Variants in GOSR2 observed in about 807,000 individuals in gnomAD.
The protein encoded by GOSR2 is golgi SNAP receptor complex member 2.
A neutral mutation model predicts 27.9 loss-of-function variants in GOSR2; 20 were observed. That is an observed-to-expected ratio of 0.72 (90% CI 0.50 to 1.04). The LOEUF (loss-of-function observed/expected upper bound fraction) is 1.04. Ranked by LOEUF, GOSR2 falls within the 50% of genes least tolerant of loss-of-function variation. GOSR2 has a pLI of 0.00. For missense variants in GOSR2, 261 were observed against 270.5 expected, an observed-to-expected ratio of 0.97 and a Z score of 0.25; for synonymous variants, 91 against 98.8, an observed-to-expected ratio of 0.92 and a Z score of 0.47.
At chr17:46,934,197 A>C (rs75951674) in intron 4 of GOSR2, among the ~76,000 whole-genome samples, 4 of 152,068 alleles carry the variant, frequency 2.6e-5, no homozygotes, top group Admixed American at 2.6e-4. Context: ...CACTGGACAC[A>C]CTTCCAGCTG....
At chr17:46,970,470 G>A (rs1390748717), downstream of GOSR2, among the ~76,000 whole-genome samples, 1 of 149,388 alleles carries the variant, frequency 6.7e-6, no homozygotes, top group Non-Finnish European at 1.5e-5. Context: ...AACCTGGGAG[G>A]CACAGGTTGC....
chr17:46,943,610 C>CGTAGTA (rs1317010305), downstream of GOSR2, among the ~76,000 whole-genome samples: 1 of 152,218 alleles, frequency 6.6e-6, no homozygotes, highest in Non-Finnish European at 1.5e-5. Context: ...ATCCCGGGCA[C>CGTAGTA]GTAGTAGGCG....
At chr17:46,945,472 C>G (rs529503150), downstream of GOSR2, among the ~76,000 whole-genome samples, 3 of 152,166 alleles carry the variant, frequency 2.0e-5, no homozygotes, top group African/African-American at 4.8e-5. Flanking sequence ...GGCGTAGAAT[C>G]CTGACTTTGC....
chr17:46,971,342 T>A (rs546741338), downstream of GOSR2, among the ~76,000 whole-genome samples: 1 of 152,124 alleles, frequency 6.6e-6, no homozygotes, highest in African/African-American at 2.4e-5. Flanking sequence ...TTCTCAAAAT[T>A]AATTAATTAA....
At chr17:46,936,911 A>C in intron 5 of GOSR2, 6 of 641,492 alleles carry the variant, frequency 9.4e-6, no homozygotes, top group Non-Finnish European at 1.2e-5. Context: ...CATGATGCCT[A>C]ATGTTGATCT....
Position 46,939,440 on chromosome 17 carries a change from G to A in GOSR2, c.*680G>A, listed in dbSNP as rs1270869298. 1 of 991,378 alleles carries A rather than the reference G, an allele frequency of 1.0e-6. No individual in the cohort carries two copies. The highest frequency in any genetic ancestry group is 1.2e-6 in the Non-Finnish European group (1 of 832,794). The allele number at this position is 991,378 out of a possible 1,614,324, so 61.4% of individuals were successfully genotyped here. ...GAGGCCAGTGTTATTTCCCGGGAGTGTTCAGTCTTGACCCTAGTCACTGAT... is the reference window on the plus strand; with the variant it reads ...GAGGCCAGTGTTATTTCCCGGGAGTATTCAGTCTTGACCCTAGTCACTGAT... On this transcript the variant is annotated 3_prime_UTR_variant, in exon 6 of 6. Transcript: ENST00000640051.
intron 6 of GOSR2, among the ~76,000 whole-genome samples, chr17:46,947,915 T>C (rs1453058414): frequency 6.6e-6 from 1 of 152,182 alleles, no homozygotes; most frequent in African/African-American, 2.4e-5. Context: ...ATTACAGGCA[T>C]GTGCCACCAC....
chr17:46,956,723 G>A (rs2090741788), intron 6 of GOSR2, among the ~76,000 whole-genome samples: 1 of 152,186 alleles, frequency 6.6e-6, no homozygotes, highest in Non-Finnish European at 1.5e-5. Flanking sequence ...ACTGTCTCGT[G>A]GCTCCTGTTG....
intron 6 of GOSR2, among the ~76,000 whole-genome samples, chr17:46,947,609 C>G (rs749369187): frequency 2.0e-5 from 3 of 152,126 alleles, no homozygotes; most frequent in Non-Finnish European, 4.4e-5. Flanking sequence ...ATGGGGATGG[C>G]AGACATGGCT....
intron 1 of GOSR2, chr17:46,923,959 ATTT>A: frequency 2.5e-6 from 1 of 398,188 alleles, no homozygotes; most frequent in Non-Finnish European, 4.4e-6. Flanking sequence ...GAATTTTATG[ATTT>A]TTATTTTTTA....
At chr17:46,966,408 G>A (rs1418171521) in intron 6 of GOSR2, 1 of 564,658 alleles carries the variant, frequency 1.8e-6, no homozygotes, top group Non-Finnish European at 3.2e-6. Flanking sequence ...CCTGGTCCTT[G>A]TGACTTATTT....
intron 6 of GOSR2, among the ~76,000 whole-genome samples, chr17:46,961,474 G>A (rs985513096): frequency 1.3e-5 from 2 of 152,156 alleles, no homozygotes; most frequent in African/African-American, 4.8e-5. Context: ...GTTCGAGGCT[G>A]CAGTGAGCTA....
chr17:46,949,414 T>C (rs1342368451), intron 6 of GOSR2: 2 of 152,136 alleles, frequency 1.3e-5, no homozygotes, highest in African/African-American at 4.8e-5. Flanking sequence ...TCGGAAGTCA[T>C]AGGGCCTCTG....
downstream of GOSR2, among the ~76,000 whole-genome samples, chr17:46,971,728 C>T (rs1244719631): frequency 6.6e-6 from 1 of 152,180 alleles, no homozygotes; most frequent in African/African-American, 2.4e-5. Context: ...GGAAGTCCTG[C>T]ACCCCGACCT....
intron 6 of GOSR2, among the ~76,000 whole-genome samples, chr17:46,962,057 C>T (rs1374851829): frequency 6.6e-6 from 1 of 152,140 alleles, no homozygotes; most frequent in East Asian, 1.9e-4. Context: ...AGGGGCCAGG[C>T]ACAGTGGCTC....
chr17:46,940,421 C>T lies in GOSR2; in HGVS notation c.*1661C>T, dbSNP rs2089100814. 6.3e-7 allele frequency: 1 copy of T among 1,597,452 alleles called. No homozygotes were observed. Among genetic ancestry groups the T allele is most frequent in the South Asian group, 1.1e-5 (1 of 90,686 alleles). ...GCAGCATCTTTAGACCTAGATCTGT[C>T]TAACTCTGGGGAGGCACATTGACAT... On this transcript the variant is annotated 3_prime_UTR_variant, in exon 6 of 6. Coordinates refer to ENST00000640051, the MANE Select transcript of GOSR2 (RefSeq NM_004287.5).
intron 1 of GOSR2, chr17:46,923,525 C>T (rs990193361): frequency 2.0e-4 from 272 of 1,350,274 alleles, no homozygotes; most frequent in Non-Finnish European, 2.5e-4. Context: ...AAACTTTGTC[C>T]AGCACTTGTC....
rs1781681051 is a variant in GOSR2 at position 46,940,581 on chromosome 17, C to T, written c.*1821C>T. 6.2e-7 allele frequency: 1 copy of T among 1,614,218 alleles called. No homozygotes were observed. Among genetic ancestry groups the T allele is most frequent in the Non-Finnish European group, 8.5e-7 (1 of 1,180,040 alleles). On this transcript the variant is annotated 3_prime_UTR_variant, in exon 6 of 6. Transcript: ENST00000640051. Reference sequence around the variant, plus strand: ...CACCCAAGGATCCTGCCAGACAGCACACTTTGGAGGAAGGTCTGCAGGGAG... The same window carrying T: ...CACCCAAGGATCCTGCCAGACAGCATACTTTGGAGGAAGGTCTGCAGGGAG...
chr17:46,955,630 C>T (rs1457661747), intron 6 of GOSR2: 1 of 152,214 alleles, frequency 6.6e-6, no homozygotes, highest in Non-Finnish European at 1.5e-5. Context: ...ACCTCTGAAG[C>T]AGTGCATGGC....
Sources: gnomAD v4.1 joint callset for allele counts (sites outside exome capture counted in the v4.1 genomes callset) on GRCh38, gnomAD v4.1.1 for gene constraint, MANE v1.5 for transcripts, NCBI Gene and HGNC (gene_info 2026-07-23, HGNC 2026-07-21) for gene names.